CERK: variants seen among roughly 807,000 people sequenced by gnomAD.
CERK encodes ceramide kinase, also known as acylsphingosine kinase.
In CERK, 39 loss-of-function variants were observed where a neutral mutation model predicts 63.4. The observed-to-expected ratio is 0.61, with a 90% CI of 0.48 to 0.80. CERK has a LOEUF of 0.80. CERK is among the 30% of genes least tolerant of loss of function. The pLI, the probability that CERK is intolerant of heterozygous loss-of-function variation, is 0.00. For missense variants in CERK, 670 were observed against 714.1 expected (o/e 0.94, Z 0.70); for synonymous variants, 302 against 280.0 (o/e 1.08, Z -0.78).
At chr22:46,698,322 G>C (rs2082766534) in intron 8 of CERK, among the ~76,000 whole-genome samples, 1 of 152,288 alleles carries the variant, frequency 6.6e-6, no homozygotes, top group South Asian at 2.1e-4. Flanking sequence ...CGAGCCGCAG[G>C]AAGGCAGGAT....
chr22:46,730,643 C>A (rs1488357974), intron 1 of CERK, among the ~76,000 whole-genome samples: 2 of 152,046 alleles, frequency 1.3e-5, no homozygotes, highest in African/African-American at 4.8e-5. Context: ...GCACCTTCTG[C>A]TTCTGGGAGG....
intron 1 of CERK, among the ~76,000 whole-genome samples, chr22:46,734,442 C>T (rs1286239380): frequency 3.9e-5 from 6 of 152,148 alleles, no homozygotes; most frequent in East Asian, 3.9e-4. Context: ...ATAAAGCAGC[C>T]GGGCACAAAG....
chr22:46,693,599 A>G, intron 9 of CERK, 96 bp from the exon 10 acceptor site: 2 of 1,065,858 alleles, frequency 1.9e-6, no homozygotes, highest in Non-Finnish European at 2.8e-6. Flanking sequence ...CTTTTCACAT[A>G]CGAAAAAATT....
At chr22:46,691,046 T>TATAC (rs894250070) in intron 11 of CERK, among the ~76,000 whole-genome samples, 28 of 108,390 alleles carry the variant, frequency 2.6e-4, no homozygotes, top group Admixed American at 2.3e-3. Flanking sequence ...CACACACATG[T>TATAC]ATACATACAT....
chr22:46,689,467 T>C (rs1176364156), intron 12 of CERK, among the ~76,000 whole-genome samples: 8 of 152,144 alleles, frequency 5.3e-5, no homozygotes, highest in South Asian at 2.1e-4. Context: ...GCCTCCTGGG[T>C]TCAAGCGACT....
intron 1 of CERK, among the ~76,000 whole-genome samples, chr22:46,723,556 T>C (rs1421512342): frequency 6.9e-6 from 1 of 145,654 alleles, no homozygotes; most frequent in African/African-American, 2.5e-5. Context: ...GAGGCGGAGG[T>C]TGCCGTGAGC....
intron 1 of CERK, among the ~76,000 whole-genome samples, chr22:46,725,920 CTTG>C (rs557992800): frequency 5.4e-4 from 82 of 152,336 alleles, no homozygotes; most frequent in African/African-American, 1.9e-3. Context: ...CTTTTTAGTG[CTTG>C]TTGTGATCCA....
At chr22:46,727,757 C>G (rs2082926422) in intron 1 of CERK, among the ~76,000 whole-genome samples, 1 of 152,156 alleles carries the variant, frequency 6.6e-6, no homozygotes, top group South Asian at 2.1e-4. Flanking sequence ...CACAGGACCA[C>G]CCGGTGACCA....
chr22:46,712,399 T>A (rs749304047), intron 3 of CERK, 106 bp from the exon 4 acceptor site: 79 of 913,324 alleles, frequency 8.6e-5, no homozygotes, highest in Non-Finnish European at 1.2e-4. Flanking sequence ...TTCTGCTTAG[T>A]ATTACCTGAT....
chr22:46,698,262 G>A (rs1287709194), intron 8 of CERK, among the ~76,000 whole-genome samples: 1 of 152,266 alleles, frequency 6.6e-6, no homozygotes, highest in Non-Finnish European at 1.5e-5. Flanking sequence ...GCTTCAGGGA[G>A]TGCGGCGTGG....
Position 46,707,979 on chromosome 22 carries a change from A to G in CERK, c.579T>C (p.Cys193=), listed in dbSNP as rs1187563202. ...INIDKYDGIV[C]VGGDGMFSEV... ...CGCTGAACATACCATCTCCGCCGAC[A>G]CAGACGATGCTGCAGGAGGAACACA... Residue 193 remains cysteine (C), a synonymous_variant, in exon 6 of 13, where the codon TGT becomes TGC. Coordinates refer to ENST00000216264, the MANE Select transcript of CERK (RefSeq NM_022766.6). 6.2e-7 allele frequency: 1 copy of G among 1,606,470 alleles called. No homozygotes were observed. The highest frequency in any genetic ancestry group is 1.3e-5 in the African/African-American group (1 of 74,952).
chr22:46,723,905 C>T (rs140338036), intron 1 of CERK, among the ~76,000 whole-genome samples: 4,546 of 152,154 alleles, frequency 0.03, 228 homozygotes, highest in African/African-American at 0.1. Context: ...ACCATGTTGG[C>T]CAGGATGGTC....
At position 46,738,036 on chromosome 22, in the gene CERK, G is replaced by A. The variant is rs1225692159; in HGVS notation, c.113C>T (p.Pro38Leu). The change falls in exon 1 of 13, where the codon CCG becomes CTG. Residue 38 changes from proline (P) to leucine (L), a missense_variant. By Grantham distance (98) the Pro-to-Leu change is moderately conservative. Transcript: ENST00000216264. ...ARALLRWWRS[P>L]GPGAGAPGAD... ...GCCGGGGGCGCCGGCTCCGGGCCCCGGGCTCCGCCACCAGCGCAGCAGAGC... is the reference window on the plus strand; with the variant it reads ...GCCGGGGGCGCCGGCTCCGGGCCCCAGGCTCCGCCACCAGCGCAGCAGAGC... The A allele has an allele frequency of 1.7e-6, 2 of 1,201,742 alleles. No individual in the cohort carries two copies. Among genetic ancestry groups the A allele is most frequent in the Admixed American group, 4.6e-5 (1 of 21,908 alleles). 74.4% of individuals were successfully genotyped at this position (1,201,742 alleles called of 1,614,324 possible). A position where few individuals can be genotyped will look rare whatever the true frequency, so the allele number is the denominator to read the frequency against.
Position 46,738,173 on chromosome 22 carries a change from G to C in CERK, c.-25C>G. On this transcript the variant is annotated 5_prime_UTR_variant, in exon 1 of 13. Coordinates refer to ENST00000216264, the MANE Select transcript of CERK (RefSeq NM_022766.6). Reference sequence around the variant, plus strand: ...TCTCCGCCGCCGGGCTCGTCCGCCAGGCTGGGGGCGCGCGGACGCCGAGGG... The same window carrying C: ...TCTCCGCCGCCGGGCTCGTCCGCCACGCTGGGGGCGCGCGGACGCCGAGGG... The C allele has an allele frequency of 8.7e-7, 1 of 1,144,522 alleles. No homozygotes were observed. 70.9% of individuals were successfully genotyped at this position (1,144,522 alleles called of 1,614,324 possible).
intron 5 of CERK, 38 bp from the exon 6 acceptor site, chr22:46,708,026 T>G (rs1601718152): frequency 6.4e-7 from 1 of 1,567,776 alleles, no homozygotes. Flanking sequence ...CTCCTGCAGG[T>G]GCGGCCCTCT....
At chr22:46,699,169 A>G (rs1482910521) in intron 8 of CERK, 144 bp downstream of exon 8, 51 of 840,860 alleles carry the variant, frequency 6.1e-5, no homozygotes, top group Non-Finnish European at 9.1e-5. Flanking sequence ...TGGCCCCGGC[A>G]CATTTCATGA....
rs936886954 is a variant in CERK at position 46,685,893 on chromosome 22, G to A, written c.*1241C>T. The A allele has an allele frequency of 2.6e-5, 4 of 152,158 alleles. No individual in the cohort carries two copies. The highest frequency in any genetic ancestry group is 5.9e-5 in the Non-Finnish European group (4 of 68,042). The allele number at this position is 152,158 out of a possible 1,614,324, so 9.4% of individuals were successfully genotyped here. A position where few individuals can be genotyped will look rare whatever the true frequency, so the allele number is the denominator to read the frequency against. On this transcript the variant is annotated 3_prime_UTR_variant, in exon 13 of 13. Coordinates refer to ENST00000216264, the MANE Select transcript of CERK (RefSeq NM_022766.6). ...ACGGTGTCTACAGCGTGCTCCAAAC[G>A]GCCACGGCCCCGCTCCTTACAGATC... is the stretch of plus-strand genomic sequence containing the variant.
chr22:46,708,409 C>G (rs801728), intron 5 of CERK, among the ~76,000 whole-genome samples: 1 of 152,204 alleles, frequency 6.6e-6, no homozygotes. Flanking sequence ...GCAGTCTGCG[C>G]GGGGACGTTT....
At chr22:46,736,857 C>A (rs1423482036) in intron 1 of CERK, among the ~76,000 whole-genome samples, 1 of 152,170 alleles carries the variant, frequency 6.6e-6, no homozygotes, top group Non-Finnish European at 1.5e-5. Context: ...GAACTCCTGA[C>A]CTCGACTGCC....
Sources: allele counts gnomAD v4.1 joint callset (sites outside exome capture counted in the v4.1 genomes callset), GRCh38; gene constraint gnomAD v4.1.1; transcripts MANE v1.5; gene names NCBI Gene and HGNC (gene_info 2026-07-23, HGNC 2026-07-21).